NEK11: variants seen among roughly 807,000 people sequenced by gnomAD.
The protein encoded by NEK11 is NIMA related kinase 11, also known as serine/threonine-protein kinase Nek11.
NEK11 carries 72 observed loss-of-function variants against 80.7 expected under a neutral mutation model. That is an observed-to-expected ratio of 0.89 (90% CI 0.74 to 1.08). The LOEUF (loss-of-function observed/expected upper bound fraction) is 1.08, where lower values mean the gene tolerates loss of function less well. Among genes scored for constraint, NEK11 ranks in the 50% least tolerant of loss-of-function variants. The pLI is 0.00. For synonymous variants in NEK11, 251 were observed against 260.7 expected (o/e 0.96, Z 0.36); for missense variants, 764 against 763.6 (o/e 1.00, Z -0.01).
Position 131,133,973 on chromosome 3 carries a change from G to T in NEK11, c.647+17G>T. 6.3e-7 allele frequency: 1 copy of T among 1,574,890 alleles called. No homozygotes were observed. Among genetic ancestry groups the T allele is most frequent in the East Asian group, 2.3e-5 (1 of 44,188 alleles). On this transcript the variant is annotated intron_variant, in intron 7 of 17. Coordinates refer to ENST00000383366, the MANE Select transcript of NEK11 (RefSeq NM_024800.5). ...GGACATCTGGTGAGTGGGCTAGTGG[G>T]CTAGACTCTTCATCTGCTTCCCTAA...
chr3:131,118,481 G>C (rs1023491318), intron 5 of NEK11, among the ~76,000 whole-genome samples: 4 of 152,132 alleles, frequency 2.6e-5, no homozygotes, highest in South Asian at 2.1e-4. Context: ...GATGTTGCTG[G>C]CCTCATAAAA....
chr3:131,241,259 G>C (rs1330710869), intron 15 of NEK11, among the ~76,000 whole-genome samples: 1 of 152,004 alleles, frequency 6.6e-6, no homozygotes, highest in Non-Finnish European at 1.5e-5. Context: ...TATTTCTGAT[G>C]GGCCAACCTA....
intron 17 of NEK11, among the ~76,000 whole-genome samples, chr3:131,316,811 G>A (rs1373992810): frequency 7.9e-5 from 12 of 152,142 alleles, no homozygotes; most frequent in Admixed American, 7.9e-4. Context: ...TTTGAAGTTA[G>A]CATTTGTACT....
intron 5 of NEK11, among the ~76,000 whole-genome samples, chr3:131,126,018 C>G (rs950161465): frequency 1.3e-5 from 2 of 152,156 alleles, no homozygotes; most frequent in Non-Finnish European, 2.9e-5. Flanking sequence ...AAAGCCACAA[C>G]CCCATTTCTG....
chr3:131,137,888 A>G (rs1421491337), intron 7 of NEK11, among the ~76,000 whole-genome samples: 1 of 152,246 alleles, frequency 6.6e-6, no homozygotes, highest in East Asian at 1.9e-4. Flanking sequence ...GTGGGTACAC[A>G]GTAGATGTAT....
chr3:131,040,299 GA>G (rs139509630), intron 3 of NEK11, among the ~76,000 whole-genome samples: 567 of 147,672 alleles, frequency 3.8e-3, no homozygotes, highest in Non-Finnish European at 6.2e-3. Flanking sequence ...GTAGTTATAT[GA>G]AAAAAAAAAC....
At chr3:131,112,150 G>A (rs748049881) in intron 5 of NEK11, among the ~76,000 whole-genome samples, 5 of 152,042 alleles carry the variant, frequency 3.3e-5, no homozygotes, top group African/African-American at 4.8e-5. Context: ...TTTTGTAATA[G>A]TGAAAACATT....
intron 5 of NEK11, among the ~76,000 whole-genome samples, chr3:131,121,887 G>A (rs768695410): frequency 3.9e-5 from 6 of 152,182 alleles, no homozygotes; most frequent in South Asian, 2.1e-4. Context: ...CATCTGTCAC[G>A]GCTTCCCTTG....
intron 14 of NEK11, 30 bp downstream of exon 14, chr3:131,170,917 T>G: frequency 1.3e-6 from 2 of 1,504,352 alleles, no homozygotes; most frequent in Non-Finnish European, 1.9e-6. Context: ...TTCAGAAGGA[T>G]GCTCACAGCT....
chr3:131,098,577 C>CTT (rs755143299), intron 4 of NEK11, among the ~76,000 whole-genome samples: 7 of 136,990 alleles, frequency 5.1e-5, no homozygotes, highest in African/African-American at 5.3e-5. Context: ...CCTTTGCCCA[C>CTT]TTTTTTTTTT....
intron 14 of NEK11, among the ~76,000 whole-genome samples, chr3:131,181,762 A>G (rs1173631058): frequency 2.0e-5 from 3 of 150,948 alleles, no homozygotes; most frequent in East Asian, 1.9e-4. Flanking sequence ...AAAAAAAAAA[A>G]AAAAGAAAAG....
intron 7 of NEK11, among the ~76,000 whole-genome samples, chr3:131,146,085 C>T (rs181677976): frequency 6.6e-6 from 1 of 152,010 alleles, no homozygotes; most frequent in Non-Finnish European, 1.5e-5. Context: ...GTTGTTACAG[C>T]CCTTCCGATA....
intron 4 of NEK11, among the ~76,000 whole-genome samples, chr3:131,086,240 T>TTAA (rs1224790157): frequency 6.6e-6 from 1 of 152,226 alleles, no homozygotes; most frequent in East Asian, 1.9e-4. Context: ...GAGTTTTCTA[T>TTAA]TAATAATAGC....
At chr3:131,303,021 G>T (rs1291364956) in intron 17 of NEK11, among the ~76,000 whole-genome samples, 8 of 152,098 alleles carry the variant, frequency 5.3e-5, no homozygotes, top group Admixed American at 1.3e-4. Flanking sequence ...TCTGTGTTGG[G>T]TGCATATATA....
chr3:131,302,418 T>G (rs1237475337), intron 17 of NEK11, among the ~76,000 whole-genome samples: 1 of 152,174 alleles, frequency 6.6e-6, no homozygotes, highest in Non-Finnish European at 1.5e-5. Flanking sequence ...TTGCCTCTTG[T>G]TTTTCTAATT....
intron 14 of NEK11, among the ~76,000 whole-genome samples, chr3:131,207,986 T>A (rs1421454178): frequency 6.6e-6 from 1 of 152,220 alleles, no homozygotes; most frequent in Non-Finnish European, 1.5e-5. Context: ...CCCATTTGTC[T>A]ATTTTGGCTT....
chr3:131,081,047 C>T (rs2075184266), intron 4 of NEK11, among the ~76,000 whole-genome samples: 1 of 152,128 alleles, frequency 6.6e-6, no homozygotes, highest in Non-Finnish European at 1.5e-5. Flanking sequence ...CAGTTCAAGG[C>T]TTCAGTGAAC....
At chr3:131,254,848 C>T (rs888582240) in intron 16 of NEK11, among the ~76,000 whole-genome samples, 4 of 151,914 alleles carry the variant, frequency 2.6e-5, no homozygotes, top group Non-Finnish European at 5.9e-5. Flanking sequence ...GGTGAAACCC[C>T]GTCTCTACTA....
chr3:131,303,725 A>C lies in NEK11; in HGVS notation c.1718+30151A>C, dbSNP rs147269923. 2.0e-5 allele frequency among the ~76,000 whole-genome samples: 3 copies of C among 152,264 alleles called. No homozygotes were observed. In the East Asian group the frequency reaches 5.8e-4, roughly 29 times the overall value. ...AATTTCTGTTGAGAGGTCTGCCATT[A>C]GCCTGATGGGGTTCCCTTCGTAGGT... On this transcript the variant is annotated intron_variant, in intron 17 of 17. Transcript: ENST00000383366.
Sources: allele counts gnomAD v4.1 joint callset (sites outside exome capture counted in the v4.1 genomes callset), GRCh38; gene constraint gnomAD v4.1.1; transcripts MANE v1.5; gene names NCBI Gene and HGNC (gene_info 2026-07-23, HGNC 2026-07-21).